Variants in NBEA observed in about 807,000 individuals in gnomAD.
NBEA encodes lysosomal-trafficking regulator 2.
NBEA carries 44 observed loss-of-function variants against 343.4 expected under a neutral mutation model. That is an observed-to-expected ratio of 0.13 (90% CI 0.10 to 0.16). NBEA has a LOEUF of 0.16. NBEA is among the 10% of genes least tolerant of loss of function. The probability of loss-of-function intolerance (pLI) is 1.00; values close to 1 mark genes in which losing one functional copy is unlikely to be tolerated. For missense variants in NBEA, 2,555 were observed against 3,631.3 expected, an observed-to-expected ratio of 0.70 and a Z score of 7.62; for synonymous variants, 1,175 against 1,238.7, an observed-to-expected ratio of 0.95 and a Z score of 1.08.
At chr13:35,152,402 G>C (rs1264180498) in intron 18 of NBEA, among the ~76,000 whole-genome samples, 1 of 152,162 alleles carries the variant, frequency 6.6e-6, no homozygotes, top group Non-Finnish European at 1.5e-5. Context: ...GTCCAAACCT[G>C]TAAAGATTCT....
intron 46 of NBEA, among the ~76,000 whole-genome samples, chr13:35,584,842 G>A (rs9544743): frequency 0.16 from 23,809 of 151,150 alleles, 2,007 homozygotes; most frequent in East Asian, 0.28. Flanking sequence ...TGTTCCCCAC[G>A]CTGGTCTCTC....
At chr13:35,064,025 A>G (rs1044167807) in intron 8 of NBEA, among the ~76,000 whole-genome samples, 3 of 152,042 alleles carry the variant, frequency 2.0e-5, no homozygotes, top group African/African-American at 7.2e-5. Context: ...GAGAAGATCA[A>G]ATATTTGGTT....
chr13:35,564,937 A>T (rs1335164385), intron 44 of NBEA, among the ~76,000 whole-genome samples: 3 of 152,236 alleles, frequency 2.0e-5, no homozygotes, highest in Non-Finnish European at 4.4e-5. Context: ...ACAAACATTT[A>T]TTGGGCAGAT....
chr13:35,494,585 T>C (rs77317696), intron 41 of NBEA, among the ~76,000 whole-genome samples: 2,030 of 151,512 alleles, frequency 0.013, 54 homozygotes, highest in African/African-American at 0.047. Context: ...AGTGAAGGAA[T>C]GGCAAAAGAA....
At chr13:35,502,606 G>A (rs1382313021) in intron 41 of NBEA, among the ~76,000 whole-genome samples, 1 of 151,908 alleles carries the variant, frequency 6.6e-6, no homozygotes, top group African/African-American at 2.4e-5. Context: ...AGTGTGCTGG[G>A]ACCAGATCCT....
intron 48 of NBEA, among the ~76,000 whole-genome samples, chr13:35,615,752 G>A (rs751605333): frequency 4.6e-5 from 7 of 152,176 alleles, no homozygotes; most frequent in African/African-American, 1.2e-4. Flanking sequence ...AAGAGGAGCC[G>A]TGGAGGAGAG....
chr13:35,602,412 C>T (rs1049345730), intron 47 of NBEA, among the ~76,000 whole-genome samples: 5 of 152,202 alleles, frequency 3.3e-5, no homozygotes, highest in African/African-American at 1.2e-4. Flanking sequence ...ACTTCCTCTA[C>T]TATCCCCTTC....
chr13:35,619,458 C>T (rs2082881983), intron 48 of NBEA, among the ~76,000 whole-genome samples: 1 of 152,052 alleles, frequency 6.6e-6, no homozygotes, highest in Admixed American at 6.5e-5. Context: ...CAACCGCTTG[C>T]AAAAAACCTG....
intron 10 of NBEA, among the ~76,000 whole-genome samples, chr13:35,091,912 T>C (rs1044499677): frequency 6.6e-6 from 1 of 151,988 alleles, no homozygotes; most frequent in South Asian, 2.1e-4. Flanking sequence ...TGTTCATTAA[T>C]GTAGACAAGA....
chr13:35,166,198 A>C (rs987889465), intron 24 of NBEA, among the ~76,000 whole-genome samples: 3 of 152,224 alleles, frequency 2.0e-5, no homozygotes, highest in Non-Finnish European at 4.4e-5. Context: ...TAAAAAAAAC[A>C]GTTTAGCAAT....
chr13:35,167,291 T>A (rs1258039381), intron 24 of NBEA, among the ~76,000 whole-genome samples: 1 of 152,056 alleles, frequency 6.6e-6, no homozygotes, highest in Non-Finnish European at 1.5e-5. Flanking sequence ...AGAAGTGGTC[T>A]CTTTTCTGCC....
chr13:35,243,767 G>T (rs1363331875), intron 34 of NBEA, among the ~76,000 whole-genome samples: 3 of 151,842 alleles, frequency 2.0e-5, no homozygotes, highest in Admixed American at 6.6e-5. Flanking sequence ...AATATTGACA[G>T]ACTTGAAGGG....
chr13:35,292,445 C>T (rs1327511730), intron 35 of NBEA, among the ~76,000 whole-genome samples: 1 of 151,952 alleles, frequency 6.6e-6, no homozygotes, highest in African/African-American at 2.4e-5. Flanking sequence ...TAGCTCTCTC[C>T]AAAGCAGTGT....
At chr13:35,435,256 A>G (rs1377658239) in intron 39 of NBEA, among the ~76,000 whole-genome samples, 2 of 151,952 alleles carry the variant, frequency 1.3e-5, no homozygotes, top group African/African-American at 4.8e-5. Flanking sequence ...CAGGTGATCC[A>G]CCCACCTCGG....
intron 33 of NBEA, among the ~76,000 whole-genome samples, chr13:35,219,679 G>T (rs889629689): frequency 2.6e-5 from 4 of 152,048 alleles, no homozygotes; most frequent in Non-Finnish European, 5.9e-5. Flanking sequence ...AAGTACCAAG[G>T]TCGGAGAACC....
chr13:35,325,521 C>T (rs1566621021), intron 36 of NBEA, among the ~76,000 whole-genome samples: 1 of 151,894 alleles, frequency 6.6e-6, no homozygotes, highest in African/African-American at 2.4e-5. Context: ...TATCGTAATA[C>T]TGATACCAAC....
chr13:35,084,464 A>G (rs148266355), intron 10 of NBEA, among the ~76,000 whole-genome samples: 2,427 of 152,278 alleles, frequency 0.016, 67 homozygotes, highest in African/African-American at 0.05. Context: ...AAACTGAACA[A>G]CCTGCTCCTG....
chr13:35,423,912 A>G (rs2044469561), intron 38 of NBEA, among the ~76,000 whole-genome samples: 1 of 152,130 alleles, frequency 6.6e-6, no homozygotes, highest in Admixed American at 6.6e-5. Context: ...CTTTGAAGCA[A>G]TTGTGAATGC....
intron 38 of NBEA, among the ~76,000 whole-genome samples, chr13:35,423,710 GA>G (rs2044454267): frequency 6.6e-6 from 1 of 152,106 alleles, no homozygotes; most frequent in Non-Finnish European, 1.5e-5. Flanking sequence ...GCTTGATGGG[GA>G]TGGCATTGAA....
Sources: allele counts gnomAD v4.1 joint callset (sites outside exome capture counted in the v4.1 genomes callset), GRCh38; gene constraint gnomAD v4.1.1; transcripts MANE v1.5; gene names NCBI Gene and HGNC (gene_info 2026-07-23, HGNC 2026-07-21).